BICD1: variants seen among roughly 807,000 people sequenced by gnomAD.
BICD1 encodes protein bicaudal D homolog 1.
In BICD1, 35 loss-of-function variants were observed where a neutral mutation model predicts 92.5. The ratio of observed to expected loss-of-function variants is 0.38; its 90% CI spans 0.29 to 0.50. The LOEUF is 0.50. Among genes scored for constraint, BICD1 ranks in the 20% least tolerant of loss-of-function variants. The probability of loss-of-function intolerance (pLI) is 0.93; values close to 1 mark genes in which losing one functional copy is unlikely to be tolerated. For missense variants in BICD1, 950 were observed against 1,189.8 expected, an observed-to-expected ratio of 0.80 and a Z score of 2.97; for synonymous variants, 429 against 465.1, an observed-to-expected ratio of 0.92 and a Z score of 1.00.
rs1337213894 is a variant in BICD1 at position 32,338,938 on chromosome 12, A to G, written c.2723A>G (p.His908Arg). ...TCCATGAGTGAATTCATCCAAGGGCACCGGCTCAGCAAGGAAAAAAGGTTA... is the reference window on the plus strand; with the variant it reads ...TCCATGAGTGAATTCATCCAAGGGCGCCGGCTCAGCAAGGAAAAAAGGTTA... ...PPSMSEFIQG[H>R]RLSKEKRLTV... Residue 908 changes from histidine to arginine, a missense_variant, in exon 8 of 10, where the codon CAC (histidine) becomes CGC (arginine). Physicochemically the swap from His to Arg is conservative, Grantham distance 29. Around this residue, in one of 5 missense-constraint regions of BICD1, gnomAD observed 179 missense variants for 186.7 expected, o/e 0.96. Coordinates refer to ENST00000652176, the MANE Select transcript of BICD1 (RefSeq NM_001714.4). The G allele has an allele frequency of 5.0e-6, 8 of 1,607,670 alleles. No homozygotes were observed. The highest frequency in any genetic ancestry group is 2.5e-6 in the Non-Finnish European group (3 of 1,177,500).
At chr12:32,257,193 C>A (rs1213831295) in intron 2 of BICD1, among the ~76,000 whole-genome samples, 1 of 107,820 alleles carries the variant, frequency 9.3e-6, no homozygotes, top group East Asian at 3.1e-4. Flanking sequence ...AGCCTGGTGA[C>A]AGAGGGAGAC....
In BICD1 at chr12:32,215,900, T is replaced by G. The variant is rs1012906455; in HGVS notation, c.214-347T>G. ...ACCCGGGAGGCGGAGCTTGCAGTGA[T>G]CCGAGATTGCACCACTGCCCTCCAG... On this transcript the variant is annotated intron_variant, in intron 1 of 9. Coordinates refer to ENST00000652176, the MANE Select transcript of BICD1 (RefSeq NM_001714.4). 2.1e-4 allele frequency among the ~76,000 whole-genome samples: 27 copies of G among 127,710 alleles called. No individual in the cohort carries two copies. The East Asian group carries it at 2.2e-3, about 10-fold the overall frequency. The allele number at this position is 127,710 out of a possible 152,430, so 83.8% of individuals were successfully genotyped here.
At chr12:32,218,025 G>A (rs1258079088) in intron 2 of BICD1, among the ~76,000 whole-genome samples, 1 of 152,182 alleles carries the variant, frequency 6.6e-6, no homozygotes, top group Non-Finnish European at 1.5e-5. Flanking sequence ...CCAGTTGGAT[G>A]GATCCTCTGA....
intron 8 of BICD1, among the ~76,000 whole-genome samples, chr12:32,346,562 A>ATATATATATATGTGTG (rs1938593761): frequency 2.7e-5 from 1 of 37,178 alleles, no homozygotes; most frequent in Non-Finnish European, 4.1e-5. Flanking sequence ...ATATATATAT[A>ATATATATATATGTGTG]TATATATATA....
At chr12:32,146,102 G>C (rs1435645016) in intron 1 of BICD1, among the ~76,000 whole-genome samples, 1 of 152,182 alleles carries the variant, frequency 6.6e-6, no homozygotes, top group Non-Finnish European at 1.5e-5. Flanking sequence ...GGCTCTCTCA[G>C]AACCCAATTA....
chr12:32,234,691 GGA>G, intron 2 of BICD1, among the ~76,000 whole-genome samples: 1 of 98,366 alleles, frequency 1.0e-5, no homozygotes, highest in African/African-American at 3.8e-5. Context: ...TTTTTTTTCT[GGA>G]GTTAGAGTCT....
intron 1 of BICD1, among the ~76,000 whole-genome samples, chr12:32,142,444 C>T (rs56865636): frequency 5.9e-5 from 5 of 84,760 alleles, no homozygotes; most frequent in African/African-American, 1.8e-4. Flanking sequence ...AAAAACCCCA[C>T]CTATCTATCC....
chr12:32,109,019 T>C (rs1941594802), intron 1 of BICD1: 1 of 189,696 alleles, frequency 5.3e-6, no homozygotes, highest in Non-Finnish European at 1.1e-5. Context: ...CTATCAACAC[T>C]GCTTTGCCAA....
chr12:32,282,119 G>A (rs1426609130), intron 2 of BICD1, among the ~76,000 whole-genome samples: 5 of 150,366 alleles, frequency 3.3e-5, no homozygotes, highest in African/African-American at 1.2e-4. Context: ...AGTGAAAAGA[G>A]TGTGAACAAG....
rs1280074338 is a variant in BICD1 at position 32,117,754 on chromosome 12, A to AT, written c.213+10211dup. 4.3e-3 allele frequency among the ~76,000 whole-genome samples: 452 copies of AT among 106,062 alleles called. 2 individuals are homozygous for AT. The highest frequency in any genetic ancestry group is 5.9e-3 in the Admixed American group (51 of 8,610). 69.6% of individuals were successfully genotyped at this position (106,062 alleles called of 152,430 possible). A position where few individuals can be genotyped will look rare whatever the true frequency, so the allele number is the denominator to read the frequency against. On this transcript the variant is annotated intron_variant, in intron 1 of 9. Transcript: ENST00000652176. The stretch of plus-strand genomic sequence containing the variant: ...CACACACATATATATATATATATAT[A>AT]TATATTTTTTTTTAAGACCATATTT...
At chr12:32,127,907 CTT>C (rs369889963) in intron 1 of BICD1, among the ~76,000 whole-genome samples, 6 of 143,680 alleles carry the variant, frequency 4.2e-5, no homozygotes, top group Non-Finnish European at 3.0e-5. Flanking sequence ...TGATCTAATT[CTT>C]TTTTTTTTTT....
chr12:32,277,491 G>A (rs80277305), intron 2 of BICD1, among the ~76,000 whole-genome samples: 214 of 152,238 alleles, frequency 1.4e-3, no homozygotes, highest in African/African-American at 5.0e-3. Flanking sequence ...CTATATTCAC[G>A]ATTATTTTAA....
At chr12:32,221,964 T>C (rs1945545197) in intron 2 of BICD1, among the ~76,000 whole-genome samples, 1 of 152,192 alleles carries the variant, frequency 6.6e-6, no homozygotes, top group African/African-American at 2.4e-5. Flanking sequence ...AGGTATAATA[T>C]ACTAGAAGAT....
At chr12:32,206,846 T>C (rs1001517848) in intron 1 of BICD1, among the ~76,000 whole-genome samples, 1 of 152,130 alleles carries the variant, frequency 6.6e-6, no homozygotes, top group Non-Finnish European at 1.5e-5. Context: ...ACTACATTAA[T>C]GTAGCTGCAG....
chr12:32,236,133 G>A (rs914882089), intron 2 of BICD1, among the ~76,000 whole-genome samples: 1 of 151,244 alleles, frequency 6.6e-6, no homozygotes, highest in Admixed American at 6.6e-5. Context: ...GGTAGTTCAC[G>A]CCTGTAATCC....
chr12:32,323,528 C>T (rs528426772), intron 4 of BICD1, among the ~76,000 whole-genome samples: 1 of 152,316 alleles, frequency 6.6e-6, no homozygotes, highest in East Asian at 1.9e-4. Context: ...CTCCAGTGTT[C>T]TCTGATGCCA....
intron 2 of BICD1, among the ~76,000 whole-genome samples, chr12:32,222,667 A>G (rs1390912117): frequency 6.6e-6 from 1 of 152,236 alleles, no homozygotes; most frequent in East Asian, 1.9e-4. Context: ...TGCCCCTTTT[A>G]AATTCATGCA....
chr12:32,376,151 T>C (rs906898438), intron 9 of BICD1, among the ~76,000 whole-genome samples: 2 of 151,488 alleles, frequency 1.3e-5, no homozygotes, highest in African/African-American at 4.9e-5. Flanking sequence ...TGGCGCCATC[T>C]TGGCTCGCTG....
intron 4 of BICD1, among the ~76,000 whole-genome samples, chr12:32,310,206 A>G (rs1193625744): frequency 6.6e-6 from 1 of 152,244 alleles, no homozygotes; most frequent in East Asian, 1.9e-4. Context: ...AATGTATTGT[A>G]TTGAAAATAA....
Sources: allele counts gnomAD v4.1 joint callset (sites outside exome capture counted in the v4.1 genomes callset), GRCh38; gene constraint gnomAD v4.1.1; regional missense constraint gnomAD v4.1.1; transcripts MANE v1.5; gene names NCBI Gene and HGNC (gene_info 2026-07-23, HGNC 2026-07-21).